Variants in TRIM13 observed in about 807,000 individuals in gnomAD.
TRIM13 encodes the protein tripartite motif containing 13.
TRIM13 carries 15 observed loss-of-function variants against 27.1 expected under a neutral mutation model. The ratio of observed to expected loss-of-function variants is 0.55; its 90% CI spans 0.37 to 0.85. TRIM13 has a LOEUF of 0.85. TRIM13 is among the 40% of genes least tolerant of loss of function. The probability of loss-of-function intolerance (pLI) is 0.00; values close to 1 mark genes in which losing one functional copy is unlikely to be tolerated. For synonymous variants in TRIM13, 193 were observed against 171.5 expected (o/e 1.13, Z -0.98); for missense variants, 402 against 472.2 (o/e 0.85, Z 1.38).
Position 50,012,950 on chromosome 13 carries a change from A to G in TRIM13, c.1010A>G (p.Glu337Gly), listed in dbSNP as rs768543619. The change falls in exon 2 of 2, where the codon GAA (glutamate) becomes GGA (glycine). Residue 337 changes from glutamate to glycine, a missense_variant. Physicochemically the swap from Glu to Gly is moderately conservative, Grantham distance 98. This residue lies in a region of TRIM13 where 200 missense variants were observed against 194.7 expected (regional missense o/e 1.03). Transcript: ENST00000378182. ...VIVFGPTMFLEWSLFDDLATW... is the reference protein window; with the variant it reads ...VIVFGPTMFLGWSLFDDLATW... Reference sequence around the variant, plus strand: ...GTCTTTGGTCCTACCATGTTCCTAGAATGGTCATTATTTGATGACCTGGCA... The same window carrying G: ...GTCTTTGGTCCTACCATGTTCCTAGGATGGTCATTATTTGATGACCTGGCA... The G allele has an allele frequency of 1.1e-5, 17 of 1,613,744 alleles. No individual in the cohort carries two copies. In the African/African-American group the frequency reaches 2.3e-4, roughly 22 times the overall value.
At position 50,017,192 on chromosome 13, in the gene TRIM13, T is replaced by C. The variant is rs1205182987; in HGVS notation, c.*4028T>C. On this transcript the variant is annotated 3_prime_UTR_variant, in exon 2 of 2. Coordinates refer to ENST00000378182, the MANE Select transcript of TRIM13 (RefSeq NM_213590.3). Reference sequence around the variant, plus strand: ...CTTTATTTTCATTGATGGGATACTTTAACAAAAATGAAATTTTTTTTGGTT... The same window carrying C: ...CTTTATTTTCATTGATGGGATACTTCAACAAAAATGAAATTTTTTTTGGTT... The C allele has an allele frequency of 1.2e-5, 2 of 167,204 alleles. No individual in the cohort carries two copies. Among genetic ancestry groups the C allele is most frequent in the South Asian group, 2.1e-4 (1 of 4,828 alleles). The allele number at this position is 167,204 out of a possible 1,614,324, so 10.4% of individuals were successfully genotyped here. A position where few individuals can be genotyped will look rare whatever the true frequency, so the allele number is the denominator to read the frequency against.
chr13:50,012,746 C>G lies in TRIM13; in HGVS notation c.806C>G (p.Pro269Arg). The change falls in exon 2 of 2, where the codon CCC becomes CGC. Residue 269 changes from proline to arginine, a missense_variant. By Grantham distance (103) the Pro-to-Arg change is moderately radical. Around this residue, in one of 2 missense-constraint regions of TRIM13, gnomAD observed 200 missense variants for 194.7 expected, o/e 1.03. Transcript: ENST00000378182. ...IKVIKETPLP[P>R]SNLPASPLMK... is the part of the protein sequence containing the mutation. ...GTAATCAAGGAAACTCCTTTACCTC[C>G]CTCTAATTTGCCTGCAAGCCCTTTA... 1 of 1,614,016 alleles carries G rather than the reference C, an allele frequency of 6.2e-7. No individual in the cohort carries two copies. Among genetic ancestry groups the G allele is most frequent in the African/African-American group, 1.3e-5 (1 of 75,016 alleles).
chr13:50,014,360 TAC>T lies in TRIM13; in HGVS notation c.*1212_*1213del, dbSNP rs377384125. 2,036 of 58,586 alleles carry T rather than the reference TAC, an allele frequency of 0.035. 91 individuals are homozygous for T. Among genetic ancestry groups the T allele is most frequent in the South Asian group, 0.084 (117 of 1,400 alleles). 3.6% of individuals were successfully genotyped at this position (58,586 alleles called of 1,614,324 possible). Reference sequence around the variant, plus strand: ...AAAAAAAAAAATATATATATATATATACACACACACACACACATATGTACACA... The same window carrying T: ...AAAAAAAAAAATATATATATATATATACACACACACACACATATGTACACA... On this transcript the variant is annotated 3_prime_UTR_variant, in exon 2 of 2. Transcript: ENST00000378182.
At chr13:50,006,204 CT>C (rs1874692436) in intron 1 of TRIM13, among the ~76,000 whole-genome samples, 1 of 151,918 alleles carries the variant, frequency 6.6e-6, no homozygotes, top group African/African-American at 2.4e-5. Flanking sequence ...TGATCATGAC[CT>C]TGGGATGACT....
In TRIM13 at chr13:50,016,092, T is replaced by G. The variant is rs747832547; in HGVS notation, c.*2928T>G. On this transcript the variant is annotated 3_prime_UTR_variant, in exon 2 of 2. Transcript: ENST00000378182. ...GTCAGGTATTTTGTACTTTGCAGTA[T>G]TTCTCTTGTATACCAGTTTGTGATG... is the stretch of plus-strand genomic sequence containing the variant. The G allele has an allele frequency of 1.9e-6, 3 of 1,568,496 alleles. No individual in the cohort carries two copies. The African/African-American group carries it at 4.1e-5, about 21-fold the overall frequency.
intron 1 of TRIM13, among the ~76,000 whole-genome samples, chr13:50,006,511 A>G (rs2138377198): frequency 6.6e-6 from 1 of 152,168 alleles, no homozygotes; most frequent in East Asian, 1.9e-4. Flanking sequence ...TCCTGTTTCT[A>G]TTGCCTTCTC....
chr13:50,017,253 C>T lies in TRIM13; in HGVS notation c.*4089C>T, dbSNP rs1169933959. On this transcript the variant is annotated 3_prime_UTR_variant, in exon 2 of 2. Coordinates refer to ENST00000378182, the MANE Select transcript of TRIM13 (RefSeq NM_213590.3). ...GAGTGATTATGACCTCTTTGGGGAT[C>T]ATGCTTCAAAAAGTCAGAAACCTAG... 6.0e-6 allele frequency: 1 copy of T among 166,948 alleles called. No homozygotes were observed. Among genetic ancestry groups the T allele is most frequent in the Non-Finnish European group, 1.5e-5 (1 of 68,082 alleles). 10.3% of individuals were successfully genotyped at this position (166,948 alleles called of 1,614,324 possible).
intron 1 of TRIM13, among the ~76,000 whole-genome samples, chr13:50,005,606 C>T (rs917500376): frequency 3.3e-5 from 5 of 150,228 alleles, no homozygotes; most frequent in East Asian, 2.0e-4. Flanking sequence ...ACCCAGGAGG[C>T]GGAGGTTGCA....
chr13:50,014,058 T>C lies in TRIM13; in HGVS notation c.*894T>C, dbSNP rs959982296. On this transcript the variant is annotated 3_prime_UTR_variant, in exon 2 of 2. Transcript: ENST00000378182. Reference sequence around the variant, plus strand: ...ATTTTCTTGTGATAAGTTTACATTTTTAGGAGAGTGGAGCTTTCAATCTGC... The same window carrying C: ...ATTTTCTTGTGATAAGTTTACATTTCTAGGAGAGTGGAGCTTTCAATCTGC... The C allele has an allele frequency of 2.4e-5, 4 of 166,734 alleles. No homozygotes were observed. The highest frequency in any genetic ancestry group is 5.9e-5 in the Non-Finnish European group (4 of 68,074). 10.3% of individuals were successfully genotyped at this position (166,734 alleles called of 1,614,324 possible).
rs778207725 is a variant in TRIM13, at chr13:50,015,937, A to G, written c.*2773A>G. The G allele has an allele frequency of 6.2e-7, 1 of 1,614,134 alleles. No homozygotes were observed. Among genetic ancestry groups the G allele is most frequent in the Non-Finnish European group, 8.5e-7 (1 of 1,179,966 alleles). On this transcript the variant is annotated 3_prime_UTR_variant, in exon 2 of 2. Transcript: ENST00000378182. Reference sequence around the variant, plus strand: ...TTACAGTGTTTACAGAACAACCTTCAGCGCCGACCTGGAATGGTAACTTTT... The same window carrying G: ...TTACAGTGTTTACAGAACAACCTTCGGCGCCGACCTGGAATGGTAACTTTT...
chr13:50,002,394 CAA>C (rs1874152933), intron 1 of TRIM13, among the ~76,000 whole-genome samples: 1 of 151,378 alleles, frequency 6.6e-6, no homozygotes, highest in African/African-American at 2.4e-5. Context: ...CTCAAAAAAA[CAA>C]AAACAAAAAC....
rs746411393 is a variant in TRIM13 at position 50,015,974 on chromosome 13, A to T, written c.*2810A>T. The stretch of plus-strand genomic sequence containing the variant: ...GAATGGTAACTTTTTCCCTCCTCAG[A>T]TGACCTTACTTCCACTGCCTCCACA... On this transcript the variant is annotated 3_prime_UTR_variant, in exon 2 of 2. Coordinates refer to ENST00000378182, the MANE Select transcript of TRIM13 (RefSeq NM_213590.3). 1.6e-5 allele frequency: 26 copies of T among 1,614,004 alleles called. No homozygotes were observed. In the Admixed American group the frequency reaches 4.2e-4, roughly 26 times the overall value.
At chr13:50,010,262 C>T (rs754135609) in intron 1 of TRIM13, among the ~76,000 whole-genome samples, 4 of 151,926 alleles carry the variant, frequency 2.6e-5, no homozygotes, top group African/African-American at 9.6e-5. Flanking sequence ...CTATGTTGCC[C>T]GTACTGGTCG....
rs1176702157 is a variant in TRIM13 at position 50,012,286 on chromosome 13, A to C, written c.346A>C (p.Ile116Leu). 1.9e-6 allele frequency: 3 copies of C among 1,614,004 alleles called. No individual in the cohort carries two copies. The highest frequency in any genetic ancestry group is 1.3e-5 in the African/African-American group (1 of 74,914). ...GACTGATATGCAGCTGATTTGTGGG[A>C]TCTGTGCTACTCGTGGGGAGCACAC... ...CLTDMQLICG[I>L]CATRGEHTKH... The change falls in exon 2 of 2, where the codon ATC (isoleucine) becomes CTC (leucine). Residue 116 changes from isoleucine to leucine, a missense_variant. Ile to Leu is a conservative substitution (Grantham distance 5). Coordinates refer to ENST00000378182, the MANE Select transcript of TRIM13 (RefSeq NM_213590.3).
chr13:50,001,800 T>C (rs377154789), intron 1 of TRIM13, among the ~76,000 whole-genome samples: 1 of 152,194 alleles, frequency 6.6e-6, no homozygotes, highest in African/African-American at 2.4e-5. Flanking sequence ...TTAGAGATTA[T>C]ATCTGAAATC....
At position 50,005,740 on chromosome 13, in the gene TRIM13, G is replaced by GT. The variant is rs372855203; in HGVS notation, c.-6-6179dup. ...GGAAGAAGAGAAAAGGAAATATTTA[G>GT]TTTTTTTTTTTTTTTTGTGATGGAG... On this transcript the variant is annotated intron_variant, in intron 1 of 1. Transcript: ENST00000378182. Among the ~76,000 whole-genome samples, 1,030 of 137,868 alleles carry GT rather than the reference G, an allele frequency of 7.5e-3. 5 individuals are homozygous for GT. Among genetic ancestry groups the GT allele is most frequent in the Admixed American group, 8.5e-3 (116 of 13,588 alleles). The allele number at this position is 137,868 out of a possible 152,430, so 90.4% of individuals were successfully genotyped here. A position where few individuals can be genotyped will look rare whatever the true frequency, so the allele number is the denominator to read the frequency against.
At chr13:50,002,905 C>T (rs1566433214) in intron 1 of TRIM13, among the ~76,000 whole-genome samples, 2 of 152,142 alleles carry the variant, frequency 1.3e-5, no homozygotes, top group African/African-American at 4.8e-5. Flanking sequence ...TCATGATCCA[C>T]CTGGCTCAGC....
At position 50,009,748 on chromosome 13, in the gene TRIM13, A is replaced by C. The variant is rs1380211596; in HGVS notation, c.-6-2187A>C. Among the ~76,000 whole-genome samples the C allele has an allele frequency of 6.6e-5, 9 of 135,714 alleles. No individual in the cohort carries two copies. In the East Asian group the frequency reaches 1.1e-3, roughly 16 times the overall value. 89.0% of individuals were successfully genotyped at this position (135,714 alleles called of 152,430 possible). ...TCAGACTCCGTCTCAAAAAAAAAAA[A>C]AAAAAAAAAACAACAACAACAAAAA... On this transcript the variant is annotated intron_variant, in intron 1 of 1. Transcript: ENST00000378182.
In TRIM13 at chr13:50,014,360, T is replaced by TATATATATATATATATATATATAC. The variant is rs879170111; in HGVS notation, c.*1197_*1198insTATATATATATATATATATATACA. The stretch of plus-strand genomic sequence containing the variant: ...AAAAAAAAAAATATATATATATATA[T>TATATATATATATATATATATATAC]ACACACACACACACACATATGTACA... On this transcript the variant is annotated 3_prime_UTR_variant, in exon 2 of 2. Coordinates refer to ENST00000378182, the MANE Select transcript of TRIM13 (RefSeq NM_213590.3). 1.4e-4 allele frequency: 8 copies of TATATATATATATATATATATATAC among 58,556 alleles called. No homozygotes were observed. The highest frequency in any genetic ancestry group is 2.5e-4 in the Non-Finnish European group (8 of 32,098). The allele number at this position is 58,556 out of a possible 1,614,324, so 3.6% of individuals were successfully genotyped here. A position where few individuals can be genotyped will look rare whatever the true frequency, so the allele number is the denominator to read the frequency against.
Sources: gnomAD v4.1 joint callset for allele counts (sites outside exome capture counted in the v4.1 genomes callset) on GRCh38, gnomAD v4.1.1 for gene constraint, gnomAD v4.1.1 regional missense constraint, MANE v1.5 for transcripts, NCBI Gene and HGNC (gene_info 2026-07-23, HGNC 2026-07-21) for gene names.